The following NTMT2 variants were observed in gnomAD, a reference collection of about 807,000 sequenced individuals.
NTMT2 encodes X-Pro-Lys N-terminal protein methyltransferase 1B.
Under a neutral mutation model 23.4 loss-of-function variants are expected in NTMT2, and 21 were observed. That is an observed-to-expected ratio of 0.90 (90% confidence interval 0.64 to 1.29). NTMT2 has a LOEUF of 1.29. Ranked by LOEUF, NTMT2 falls within the 50% of genes most tolerant of loss-of-function variation. NTMT2 has a pLI of 0.00. For synonymous variants in NTMT2, 131 were observed against 127.7 expected (o/e 1.03, Z -0.17); for missense variants, 336 against 352.0 (o/e 0.95, Z 0.36).
intron 1 of NTMT2, among the ~76,000 whole-genome samples, chr1:170,146,664 T>C (rs1553214538): frequency 6.6e-6 from 1 of 152,196 alleles, no homozygotes; most frequent in Non-Finnish European, 1.5e-5. Context: ...GACTAAATAA[T>C]GATAGATCAA....
intron 3 of NTMT2, 99 bp downstream of exon 3, chr1:170,166,850 G>A: frequency 7.6e-7 from 1 of 1,313,920 alleles, no homozygotes; most frequent in Non-Finnish European, 1.0e-6. Flanking sequence ...GTTAGCTGTA[G>A]TACTTCAAGC....
chr1:170,162,622 C>T (rs983711330), intron 2 of NTMT2, among the ~76,000 whole-genome samples: 5 of 152,144 alleles, frequency 3.3e-5, no homozygotes, highest in Non-Finnish European at 7.4e-5. Flanking sequence ...GCTTTAGAAG[C>T]GTTGTCTCAT....
Position 170,167,470 on chromosome 1 carries a change from T to C in NTMT2, c.581-16T>C, listed in dbSNP as rs1360714267. On this transcript the variant is annotated splice_polypyrimidine_tract_variant and intron_variant, in intron 3 of 3. Transcript: ENST00000439373. ...CATTTCTTCCTGTTCCCCCATCCAC[T>C]TGGTCTCCCTTGTAGGGCACCTGAC... 3.9e-6 allele frequency: 6 copies of C among 1,529,654 alleles called. No individual in the cohort carries two copies. The Admixed American group carries it at 8.0e-5, about 20-fold the overall frequency. 94.8% of individuals were successfully genotyped at this position (1,529,654 alleles called of 1,614,324 possible).
At chr1:170,163,737 C>CA (rs533862447) in intron 2 of NTMT2, among the ~76,000 whole-genome samples, 99 of 152,254 alleles carry the variant, frequency 6.5e-4, no homozygotes, top group Admixed American at 2.1e-3. Context: ...TTCTTCAAAA[C>CA]AAAATACATA....
In NTMT2 at chr1:170,160,589, T is replaced by C. The variant is rs1038298079; in HGVS notation, c.226T>C (p.Tyr76His). The change falls in exon 2 of 4, where the codon TAC becomes CAC. Residue 76 changes from tyrosine (Y) to histidine (H), a missense_variant. By Grantham distance (83) the Tyr-to-His change is moderately conservative (BLOSUM62 2). Coordinates refer to ENST00000439373, the MANE Select transcript of NTMT2 (RefSeq NM_001136107.2). ...GTTCTATGCCAGAGCTAAACTTTTC[T>C]ACCAAGAAGTACCAGCCACAGAAGA... Reference protein sequence around the residue: ...MQFYARAKLFYQEVPATEEGM... With the variant: ...MQFYARAKLFHQEVPATEEGM... 1 of 1,551,608 alleles carries C rather than the reference T, an allele frequency of 6.4e-7. No individual in the cohort carries two copies. Among genetic ancestry groups the C allele is most frequent in the Non-Finnish European group, 8.7e-7 (1 of 1,146,942 alleles).
chr1:170,153,668 T>G (rs918992792), intron 1 of NTMT2, among the ~76,000 whole-genome samples: 5 of 152,196 alleles, frequency 3.3e-5, no homozygotes, highest in African/African-American at 1.2e-4. Flanking sequence ...ACATGCAAGA[T>G]GTGGCCTGGC....
At chr1:170,157,030 C>CCT (rs148686069) in intron 1 of NTMT2, among the ~76,000 whole-genome samples, 12,105 of 152,058 alleles carry the variant, frequency 0.08, 527 homozygotes, top group Middle Eastern at 0.13. Flanking sequence ...CCCTGGGCAG[C>CCT]CTGTGAGCTG....
At chr1:170,156,237 G>A (rs12569092) in intron 1 of NTMT2, among the ~76,000 whole-genome samples, 44,695 of 152,062 alleles carry the variant, frequency 0.29, 7,463 homozygotes, top group African/African-American at 0.44. Context: ...CTTTGGACAT[G>A]CAGCCATATG....
In NTMT2 at chr1:170,146,214, A is replaced by G. The variant is rs1408347425; in HGVS notation, c.107A>G (p.Asn36Ser). The G allele has an allele frequency of 2.6e-6, 4 of 1,550,958 alleles. No homozygotes were observed. The highest frequency in any genetic ancestry group is 1.7e-4 in the Middle Eastern group (1 of 6,010). The change falls in exon 1 of 4, where the codon AAT (asparagine) becomes AGT (serine). Residue 36 changes from asparagine to serine, a missense_variant. Asn to Ser is a conservative substitution (Grantham distance 46, BLOSUM62 1). Transcript: ENST00000439373. ...TTTATCCTTCACAAAGCCATTCGCA[A>G]TGACTTCTTTCAGAGCTATCTCTAC... Reference protein sequence around the residue: ...MSFILHKAIRNDFFQSYLYLL... With the variant: ...MSFILHKAIRSDFFQSYLYLL...
rs573441307 is a variant in NTMT2 at position 170,168,364 on chromosome 1, C to G, written c.*607C>G. On this transcript the variant is annotated 3_prime_UTR_variant, in exon 4 of 4. Transcript: ENST00000439373. ...AGGAGAAAATCTACACTCCTTTCCC[C>G]GCCTTCATGTCAGCTACATTATACT... Among the ~76,000 whole-genome samples, 4 of 152,090 alleles carry G rather than the reference C, an allele frequency of 2.6e-5. No individual in the cohort carries two copies. The highest frequency in any genetic ancestry group is 1.3e-4 in the Admixed American group (2 of 15,268).
chr1:170,155,147 G>A (rs546821230), intron 1 of NTMT2, among the ~76,000 whole-genome samples: 1 of 152,232 alleles, frequency 6.6e-6, no homozygotes, highest in South Asian at 2.1e-4. Context: ...CTGCAGAACT[G>A]TAAGCCAATT....
intron 2 of NTMT2, among the ~76,000 whole-genome samples, chr1:170,163,086 C>A (rs967058461): frequency 1.3e-5 from 2 of 152,176 alleles, no homozygotes; most frequent in East Asian, 3.9e-4. Context: ...CCCATAAGCA[C>A]GCCCACAGAC....
At position 170,167,822 on chromosome 1, in the gene NTMT2, C is replaced by A. The variant is rs763454966; in HGVS notation, c.*65C>A. ...CTTTGGGATGGGGTTGCTATCCTTC[C>A]AGGTGCCCCTTGTAATGCAGATAGG... is the stretch of plus-strand genomic sequence containing the variant. On this transcript the variant is annotated 3_prime_UTR_variant, in exon 4 of 4. Coordinates refer to ENST00000439373, the MANE Select transcript of NTMT2 (RefSeq NM_001136107.2). 1 of 1,467,770 alleles carries A rather than the reference C, an allele frequency of 6.8e-7. No individual in the cohort carries two copies. The highest frequency in any genetic ancestry group is 9.1e-7 in the Non-Finnish European group (1 of 1,099,840). 90.9% of individuals were successfully genotyped at this position (1,467,770 alleles called of 1,614,324 possible).
At chr1:170,157,837 C>T (rs1310868893) in intron 1 of NTMT2, 1 of 151,960 alleles carries the variant, frequency 6.6e-6, no homozygotes, top group Non-Finnish European at 1.5e-5. Flanking sequence ...AAAAGTATGT[C>T]CTCCTTAGAA....
chr1:170,163,329 G>C (rs1673309326), intron 2 of NTMT2, among the ~76,000 whole-genome samples: 1 of 152,172 alleles, frequency 6.6e-6, no homozygotes, highest in Non-Finnish European at 1.5e-5. Flanking sequence ...GGGAATACGA[G>C]TATCTGACAT....
In NTMT2 at chr1:170,166,529, G is replaced by A. The variant is rs1049619499; in HGVS notation, c.358G>A (p.Ala120Thr). 1.0e-5 allele frequency: 16 copies of A among 1,552,190 alleles called. No homozygotes were observed. In the East Asian group the frequency reaches 1.5e-4, roughly 14 times the overall value. ...GCCTGGGAGAGCTGGAACAGACTGCGCCTTGGACTGCGGCTCCGGGATAGG... is the reference window on the plus strand; with the variant it reads ...GCCTGGGAGAGCTGGAACAGACTGCACCTTGGACTGCGGCTCCGGGATAGG... ...GGPGRAGTDCALDCGSGIGRV... is the reference protein window; with the variant it reads ...GGPGRAGTDCTLDCGSGIGRV... Residue 120 changes from alanine to threonine, a missense_variant, in exon 3 of 4, where the codon GCC becomes ACC. Ala to Thr is a moderately conservative substitution (Grantham distance 58). Coordinates refer to ENST00000439373, the MANE Select transcript of NTMT2 (RefSeq NM_001136107.2).
In NTMT2 at chr1:170,168,781, G is replaced by A. The variant is rs1673447679; in HGVS notation, c.*1024G>A. ...ATATGAATGTATATTGGAAAGAGAA[G>A]CAGCAAAAGAAATGGACAAGGAAAT... On this transcript the variant is annotated 3_prime_UTR_variant, in exon 4 of 4. Coordinates refer to ENST00000439373, the MANE Select transcript of NTMT2 (RefSeq NM_001136107.2). Among the ~76,000 whole-genome samples, 1 of 152,220 alleles carries A rather than the reference G, an allele frequency of 6.6e-6. No individual in the cohort carries two copies. The highest frequency in any genetic ancestry group is 1.5e-5 in the Non-Finnish European group (1 of 68,048).
chr1:170,148,142 CTT>C (rs371620511), intron 1 of NTMT2, among the ~76,000 whole-genome samples: 4 of 74,568 alleles, frequency 5.4e-5, no homozygotes, highest in South Asian at 6.4e-4. Context: ...TGAGGCACTC[CTT>C]TTTTTTTTTT....
chr1:170,145,984 T>C lies in NTMT2; in HGVS notation c.-124T>C, dbSNP rs369078432. ...ACACCCATGACAGCCTGTCCTGATA[T>C]AGATGGAGAGGGGACTGGTTTAAAA... is the stretch of plus-strand genomic sequence containing the variant. On this transcript the variant is annotated 5_prime_UTR_variant, in exon 1 of 4. Coordinates refer to ENST00000439373, the MANE Select transcript of NTMT2 (RefSeq NM_001136107.2). The C allele has an allele frequency of 2.3e-4, 208 of 915,076 alleles. 2 individuals are homozygous for C. In the East Asian group the frequency reaches 3.6e-3, roughly 16 times the overall value. 56.7% of individuals were successfully genotyped at this position (915,076 alleles called of 1,614,324 possible).
Sources: allele counts gnomAD v4.1 joint callset (sites outside exome capture counted in the v4.1 genomes callset), GRCh38; gene constraint gnomAD v4.1.1; transcripts MANE v1.5; gene names NCBI Gene and HGNC (gene_info 2026-07-23, HGNC 2026-07-21).